The following KRT28 variants were observed in gnomAD, a reference collection of about 807,000 sequenced individuals.
KRT28 encodes the protein keratin, type I cytoskeletal 28.
A neutral mutation model predicts 48.1 loss-of-function variants in KRT28; 45 were observed. The observed-to-expected ratio is 0.94, with a 90% CI of 0.74 to 1.20. The LOEUF is 1.20. KRT28 is among the 50% of genes most tolerant of loss of function. The pLI, the probability that KRT28 is intolerant of heterozygous loss-of-function variation, is 0.00. For synonymous variants in KRT28, 228 were observed against 227.4 expected, an observed-to-expected ratio of 1.00 and a Z score of -0.03; for missense variants, 571 against 574.1, an observed-to-expected ratio of 0.99 and a Z score of 0.06.
At chr17:40,794,656 T>C (rs1178504175) in intron 5 of KRT28, among the ~76,000 whole-genome samples, 1 of 152,246 alleles carries the variant, frequency 6.6e-6, no homozygotes, top group African/African-American at 2.4e-5. Context: ...ACTACTCTTA[T>C]GAATATCATA....
chr17:40,799,503 G>C lies in KRT28; in HGVS notation c.391C>G (p.Arg131Gly). 1.2e-6 allele frequency: 2 copies of C among 1,613,938 alleles called. No homozygotes were observed. Among genetic ancestry groups the C allele is most frequent in the African/African-American group, 1.3e-5 (1 of 74,986 alleles). ...CTGCTATAGTCATGATCAAGTCCAC[G>C]GCAAGATCCAGGTCCGTATTTTTCA... ...WYEKYGPGSC[R>G]GLDHDYSRYH... Residue 131 changes from arginine to glycine, a missense_variant, in exon 1 of 8, where the codon CGT (arginine) becomes GGT (glycine). By Grantham distance (125) the Arg-to-Gly change is moderately radical. Coordinates refer to ENST00000306658, the MANE Select transcript of KRT28 (RefSeq NM_181535.3).
At position 40,799,738 on chromosome 17, in the gene KRT28, G is replaced by A. The variant is rs147413772; in HGVS notation, c.156C>T (p.Gly52=). 5 of 1,613,718 alleles carry A rather than the reference G, an allele frequency of 3.1e-6. No homozygotes were observed. The Admixed American group carries it at 6.7e-5, about 22-fold the overall frequency. Residue 52 remains glycine, a synonymous_variant, in exon 1 of 8, where the codon GGC becomes GGT. Transcript: ENST00000306658. ...GSEFSCALGG[G]LGSVPGGSHA... ...GGCTCCCACCAGGAACACTGCCCAA[G>A]CCCCCTCCCAAGGCACAGGAAAATT...
Position 40,793,142 on chromosome 17 carries a change from T to A in KRT28, c.1252+13A>T, listed in dbSNP as rs1403048295. 1.1e-5 allele frequency: 16 copies of A among 1,511,630 alleles called. No individual in the cohort carries two copies. Among genetic ancestry groups the A allele is most frequent in the Non-Finnish European group, 1.3e-5 (14 of 1,113,860 alleles). 93.6% of individuals were successfully genotyped at this position (1,511,630 alleles called of 1,614,324 possible). ...GAAAAGAAAAGAAAAGAAATAGAAC[T>A]AGATTTTATTACCTTTAGATGAATT... On this transcript the variant is annotated intron_variant, in intron 7 of 7. Coordinates refer to ENST00000306658, the MANE Select transcript of KRT28 (RefSeq NM_181535.3).
chr17:40,793,545 G>A (rs1050107636), intron 6 of KRT28, among the ~76,000 whole-genome samples: 4 of 152,068 alleles, frequency 2.6e-5, no homozygotes, highest in Admixed American at 6.5e-5. Context: ...GAAGGATAAA[G>A]CCTGCTTGTG....
intron 5 of KRT28, among the ~76,000 whole-genome samples, chr17:40,795,856 A>AAG (rs1904600991): frequency 6.6e-6 from 1 of 152,146 alleles, no homozygotes; most frequent in South Asian, 2.1e-4. Flanking sequence ...GTCCTCAGGG[A>AAG]TCTAGTTCAG....
Position 40,798,234 on chromosome 17 carries a change from C to A in KRT28, c.690+1G>T. The A allele has an allele frequency of 6.2e-7, 1 of 1,600,848 alleles. No homozygotes were observed. The highest frequency in any genetic ancestry group is 8.6e-7 in the Non-Finnish European group (1 of 1,168,792). Reference sequence around the variant, plus strand: ...TGGACTACAGGTAAAGCTTCTCCTACCTCTTCGTGGTTCTTTTTGAGATAT... The same window carrying A: ...TGGACTACAGGTAAAGCTTCTCCTAACTCTTCGTGGTTCTTTTTGAGATAT... On this transcript the variant is annotated splice_donor_variant, in intron 3 of 7. Coordinates refer to ENST00000306658, the MANE Select transcript of KRT28 (RefSeq NM_181535.3). LOFTEE classifies it high-confidence loss of function.
rs1455845184 is a variant in KRT28 at position 40,797,240 on chromosome 17, G to T, written c.732C>A (p.Asn244Lys). 4 of 1,613,998 alleles carry T rather than the reference G, an allele frequency of 2.5e-6. No homozygotes were observed. The highest frequency in any genetic ancestry group is 3.4e-6 in the Non-Finnish European group (4 of 1,180,018). ...ALQCAAGGNV[N>K]VEMNAAPGVD... is the part of the protein sequence containing the mutation. The stretch of plus-strand genomic sequence containing the variant: ...CCCCCGGGGCCGCGTTCATCTCCAC[G>T]TTCACGTTGCCCCCAGCCGCGCACT... Residue 244 changes from asparagine (N) to lysine (K), a missense_variant, in exon 4 of 8, where the codon AAC becomes AAA. By Grantham distance (94) the Asn-to-Lys change is moderately conservative. Coordinates refer to ENST00000306658, the MANE Select transcript of KRT28 (RefSeq NM_181535.3).
rs750033985 is a variant in KRT28 at position 40,794,014 on chromosome 17, G to A, written c.1011C>T (p.Thr337=). The A allele has an allele frequency of 1.7e-4, 267 of 1,613,752 alleles. 1 individual carries two copies. Among genetic ancestry groups the A allele is most frequent in the Non-Finnish European group, 2.1e-4 (249 of 1,179,864 alleles). Residue 337 remains threonine, a synonymous_variant, in exon 6 of 8, where the codon ACC becomes ACT. Coordinates refer to ENST00000306658, the MANE Select transcript of KRT28 (RefSeq NM_181535.3). ...CCAGCTGCGTACAGTAGTTGCTCTC[G>A]GTCTCTGTCAAGGAGCACTCCAGGG... is the stretch of plus-strand genomic sequence containing the variant. ...KHSLECSLTE[T]ESNYCTQLAQ... is the part of the protein sequence containing the mutation.
At position 40,799,608 on chromosome 17, in the gene KRT28, G is replaced by C; in HGVS notation, c.286C>G (p.Arg96Gly). 6.2e-7 allele frequency: 1 copy of C among 1,614,070 alleles called. No homozygotes were observed. The highest frequency in any genetic ancestry group is 8.5e-7 in the Non-Finnish European group (1 of 1,180,016). The change falls in exon 1 of 8, where the codon CGC (arginine) becomes GGC (glycine). Residue 96 changes from arginine to glycine, a missense_variant. By Grantham distance (125) the Arg-to-Gly change is moderately radical. Coordinates refer to ENST00000306658, the MANE Select transcript of KRT28 (RefSeq NM_181535.3). ...ACATTATCCAGGTAGGATGCCAAGC[G>C]GTCATTAAGATTTTGCATGGTCACC... is the stretch of plus-strand genomic sequence containing the variant. ...EKVTMQNLNDRLASYLDNVRA... is the reference protein window; with the variant it reads ...EKVTMQNLNDGLASYLDNVRA...
chr17:40,795,956 AGAG>A (rs1224188807), intron 5 of KRT28, among the ~76,000 whole-genome samples: 1 of 152,140 alleles, frequency 6.6e-6, no homozygotes, highest in African/African-American at 2.4e-5. Flanking sequence ...GTGATGAGGG[AGAG>A]GAGAAGAGGG....
intron 1 of KRT28, 94 bp from the exon 2 acceptor site, chr17:40,799,093 A>C: frequency 2.5e-6 from 2 of 809,550 alleles, no homozygotes; most frequent in Middle Eastern, 6.3e-4. Flanking sequence ...AAGTTTTTGC[A>C]TAAAAATTTC....
In KRT28 at chr17:40,793,982, A is replaced by G; in HGVS notation, c.1043T>C (p.Ile348Thr). 6.2e-7 allele frequency: 1 copy of G among 1,613,872 alleles called. No individual in the cohort carries two copies. Among genetic ancestry groups the G allele is most frequent in the Non-Finnish European group, 8.5e-7 (1 of 1,179,856 alleles). The change falls in exon 6 of 8, where the codon ATC becomes ACC. Residue 348 changes from isoleucine to threonine, a missense_variant. Transcript: ENST00000306658. Reference sequence around the variant, plus strand: ...CTCCAGGGCCCCGATCTGAGCCTGGATCTGCGCCAGCTGCGTACAGTAGTT... The same window carrying G: ...CTCCAGGGCCCCGATCTGAGCCTGGGTCTGCGCCAGCTGCGTACAGTAGTT... ...ESNYCTQLAQIQAQIGALEEQ... is the reference protein window; with the variant it reads ...ESNYCTQLAQTQAQIGALEEQ...
Position 40,799,873 on chromosome 17 carries a change from A to T in KRT28, c.21T>A (p.Asn7Lys), listed in dbSNP as rs1160283038. 13 of 1,611,810 alleles carry T rather than the reference A, an allele frequency of 8.1e-6. No individual in the cohort carries two copies. Among genetic ancestry groups the T allele is most frequent in the Admixed American group, 1.7e-5 (1 of 59,906 alleles). The change falls in exon 1 of 8, where the codon AAT becomes AAA. Residue 7 changes from asparagine (N) to lysine (K), a missense_variant. By Grantham distance (94) the Asn-to-Lys change is moderately conservative. Coordinates refer to ENST00000306658, the MANE Select transcript of KRT28 (RefSeq NM_181535.3). Reference protein sequence around the residue: MSLQFSNGSRHVCLRSG... With the variant: MSLQFSKGSRHVCLRSG... Reference sequence around the variant, plus strand: ...ACCTTAAGCAAACATGCCTGGATCCATTAGAAAATTGGAGAGACATGGTGT... The same window carrying T: ...ACCTTAAGCAAACATGCCTGGATCCTTTAGAAAATTGGAGAGACATGGTGT...
At chr17:40,797,346 C>G (rs1163202657) in intron 3 of KRT28, 65 bp from the exon 4 acceptor site, 2 of 1,484,978 alleles carry the variant, frequency 1.3e-6, no homozygotes, top group African/African-American at 2.8e-5. Flanking sequence ...GAGAAGTTCT[C>G]AAACGTGTTA....
rs573694531 is a variant in KRT28 at position 40,797,319 on chromosome 17, A to G, written c.691-38T>C. 3.8e-6 allele frequency: 6 copies of G among 1,586,748 alleles called. No homozygotes were observed. In the African/African-American group the frequency reaches 6.7e-5, roughly 18 times the overall value. ...AAGAGTGTGGCTTTAGGGGCATTGC[A>G]GGTTCACACTCAGTCTGAGAAGTTC... is the stretch of plus-strand genomic sequence containing the variant. On this transcript the variant is annotated intron_variant, in intron 3 of 7. Transcript: ENST00000306658.
At chr17:40,793,049 G>C in intron 7 of KRT28, 106 bp downstream of exon 7, 2 of 678,524 alleles carry the variant, frequency 2.9e-6, no homozygotes, top group Non-Finnish European at 4.9e-6. Flanking sequence ...GCAGTGAGCC[G>C]AGATAGCACC....
At position 40,797,259 on chromosome 17, in the gene KRT28, G is replaced by T; in HGVS notation, c.713C>A (p.Ala238Glu). 6.2e-7 allele frequency: 1 copy of T among 1,613,846 alleles called. No individual in the cohort carries two copies. Among genetic ancestry groups the T allele is most frequent in the East Asian group, 2.2e-5 (1 of 44,880 alleles). ...CTCCACGTTCACGTTGCCCCCAGCCGCGCACTGCAGAGCCTTCATCTCCTG... is the reference window on the plus strand; with the variant it reads ...CTCCACGTTCACGTTGCCCCCAGCCTCGCACTGCAGAGCCTTCATCTCCTG... ...HEEEMKALQC[A>E]AGGNVNVEMN... is the part of the protein sequence containing the mutation. The change falls in exon 4 of 8, where the codon GCG becomes GAG. Residue 238 changes from alanine (A) to glutamate (E), a missense_variant. Physicochemically the swap from Ala to Glu is moderately radical, Grantham distance 107. Coordinates refer to ENST00000306658, the MANE Select transcript of KRT28 (RefSeq NM_181535.3).
intron 5 of KRT28, among the ~76,000 whole-genome samples, chr17:40,794,331 A>G (rs1443705601): frequency 6.6e-6 from 1 of 152,148 alleles, no homozygotes; most frequent in East Asian, 1.9e-4. Context: ...AAACCAACTG[A>G]TATATTAAAG....
chr17:40,799,491 G>A lies in KRT28; in HGVS notation c.403C>T (p.His135Tyr). Residue 135 changes from histidine (H) to tyrosine (Y), a missense_variant, in exon 1 of 8, where the codon CAT (histidine) becomes TAT (tyrosine). By Grantham distance (83) the His-to-Tyr change is moderately conservative. Transcript: ENST00000306658. ...GTTAGGTGATATCTGCTATAGTCAT[G>A]ATCAAGTCCACGGCAAGATCCAGGT... ...YGPGSCRGLD[H>Y]DYSRYHLTIE... 1 of 1,614,000 alleles carries A rather than the reference G, an allele frequency of 6.2e-7. No individual in the cohort carries two copies. The highest frequency in any genetic ancestry group is 8.5e-7 in the Non-Finnish European group (1 of 1,180,010).
Sources: gnomAD v4.1 joint callset for allele counts (sites outside exome capture counted in the v4.1 genomes callset) on GRCh38, gnomAD v4.1.1 for gene constraint, MANE v1.5 for transcripts, NCBI Gene and HGNC (gene_info 2026-07-23, HGNC 2026-07-21) for gene names.